PDPR: variants seen among roughly 807,000 people sequenced by gnomAD.
PDPR encodes the protein pyruvate dehydrogenase phosphatase regulatory subunit, mitochondrial.
A neutral mutation model predicts 102.2 loss-of-function variants in PDPR; 50 were observed. The ratio of observed to expected loss-of-function variants is 0.49; its 90% CI spans 0.39 to 0.62. The LOEUF (loss-of-function observed/expected upper bound fraction) is 0.62. Among genes scored for constraint, PDPR ranks in the 20% least tolerant of loss-of-function variants. PDPR has a pLI of 0.00. For missense variants in PDPR, 625 were observed against 1,098.2 expected, an observed-to-expected ratio of 0.57 and a Z score of 6.09; for synonymous variants, 259 against 406.0, an observed-to-expected ratio of 0.64 and a Z score of 4.35.
At chr16:70,130,952 C>T (rs1964480778) in intron 7 of PDPR, among the ~76,000 whole-genome samples, 1 of 152,286 alleles carries the variant, frequency 6.6e-6, no homozygotes, top group Non-Finnish European at 1.5e-5. Flanking sequence ...GCTATGATCC[C>T]GAAGTGAACT....
chr16:70,156,630 C>G lies in PDPR; in HGVS notation c.2391C>G (p.Gly797=), dbSNP rs1462986731. 6.2e-7 allele frequency: 1 copy of G among 1,614,100 alleles called. No homozygotes were observed. The highest frequency in any genetic ancestry group is 1.1e-5 in the South Asian group (1 of 91,084). Residue 797 remains glycine (G), a synonymous_variant, in exon 19 of 19, where the codon GGC becomes GGG. Transcript: ENST00000288050. ...EPIYRNGQYV[G]KTTSSAYSYS... is the part of the protein sequence containing the mutation. ...TTTACCGGAATGGGCAGTATGTTGG[C>G]AAGACCACCAGCAGTGCCTACAGCT...
rs1331172691 is a variant in PDPR, at chr16:70,159,054, A to G, written c.*2175A>G. The G allele has an allele frequency of 6.6e-6, 1 of 152,374 alleles. No individual in the cohort carries two copies. Among genetic ancestry groups the G allele is most frequent in the Non-Finnish European group, 1.5e-5 (1 of 68,098 alleles). 9.4% of individuals were successfully genotyped at this position (152,374 alleles called of 1,614,324 possible). ...TCGAAATAATAAAAGCTGTCTCCATAGTTTAAAATCGAATAGTGCCATCAT... is the reference window on the plus strand; with the variant it reads ...TCGAAATAATAAAAGCTGTCTCCATGGTTTAAAATCGAATAGTGCCATCAT... On this transcript the variant is annotated 3_prime_UTR_variant, in exon 19 of 19. Coordinates refer to ENST00000288050, the MANE Select transcript of PDPR (RefSeq NM_017990.5).
At chr16:70,148,261 C>G (rs1966398670) in intron 16 of PDPR, among the ~76,000 whole-genome samples, 1 of 152,256 alleles carries the variant, frequency 6.6e-6, no homozygotes, top group South Asian at 2.1e-4. Flanking sequence ...CAGTAGCAAG[C>G]AGAGATGTCA....
At chr16:70,143,373 G>A (rs1443373994) in intron 13 of PDPR, 137 bp from the exon 14 acceptor site, 5 of 1,038,730 alleles carry the variant, frequency 4.8e-6, no homozygotes, top group Non-Finnish European at 5.6e-6. Flanking sequence ...TTCTTGCAGT[G>A]GAGTAGGTCT....
chr16:70,148,224 G>A (rs1966396281), intron 16 of PDPR, among the ~76,000 whole-genome samples: 1 of 152,240 alleles, frequency 6.6e-6, no homozygotes, highest in South Asian at 2.1e-4. Context: ...TCTACCATCA[G>A]CTTGGCTAAA....
At chr16:70,134,087 G>A (rs1964844512) in intron 9 of PDPR, among the ~76,000 whole-genome samples, 1 of 152,246 alleles carries the variant, frequency 6.6e-6, no homozygotes, top group Non-Finnish European at 1.5e-5. Context: ...GTTTTAGGAG[G>A]AGACTTCTTT....
rs908731819 is a variant in PDPR at position 70,157,235 on chromosome 16, G to A, written c.*356G>A. 5.2e-5 allele frequency: 27 copies of A among 523,870 alleles called. No individual in the cohort carries two copies. Among genetic ancestry groups the A allele is most frequent in the East Asian group, 4.3e-4 (8 of 18,528 alleles). 32.5% of individuals were successfully genotyped at this position (523,870 alleles called of 1,614,324 possible). On this transcript the variant is annotated 3_prime_UTR_variant, in exon 19 of 19. Coordinates refer to ENST00000288050, the MANE Select transcript of PDPR (RefSeq NM_017990.5). ...TCTGCATCTCAAGGCAGGGCAAGCC[G>A]GGGTGGTGCAGGTCTCAGGGCACGA...
At chr16:70,133,421 C>CTTTTTTTTTTTTTTTTTTTTT (rs1162339028) in intron 9 of PDPR, among the ~76,000 whole-genome samples, 23 of 103,730 alleles carry the variant, frequency 2.2e-4, no homozygotes, top group Non-Finnish European at 3.1e-4. Context: ...TGCGTCTGGC[C>CTTTTTTTTTTTTTTTTTTTTT]TTTTTTTTTT....
chr16:70,141,102 G>A (rs1039732604), intron 11 of PDPR, among the ~76,000 whole-genome samples: 9 of 152,146 alleles, frequency 5.9e-5, no homozygotes, highest in Non-Finnish European at 1.0e-4. Flanking sequence ...TGCCCAGGCT[G>A]GAGTGCCGTG....
intron 2 of PDPR, among the ~76,000 whole-genome samples, chr16:70,119,909 T>G (rs1963043198): frequency 8.6e-6 from 1 of 116,902 alleles, no homozygotes; most frequent in East Asian, 2.1e-4. Context: ...TTGTTTTTTT[T>G]TTGTTTGTTT....
intron 6 of PDPR, among the ~76,000 whole-genome samples, chr16:70,129,742 G>C (rs1178120610): frequency 2.0e-5 from 3 of 152,280 alleles, no homozygotes; most frequent in Non-Finnish European, 2.9e-5. Context: ...ATCCACACCT[G>C]AAATCATGAG....
chr16:70,153,305 T>C, intron 17 of PDPR, 86 bp from the exon 18 acceptor site: 1 of 1,361,692 alleles, frequency 7.3e-7, no homozygotes, highest in African/African-American at 1.5e-5. Flanking sequence ...TCCATGTTAA[T>C]AGTGTGAGCC....
intron 10 of PDPR, among the ~76,000 whole-genome samples, chr16:70,137,280 C>T (rs1461124336): frequency 2.6e-5 from 4 of 152,208 alleles, no homozygotes; most frequent in Admixed American, 2.6e-4. Context: ...GGCGTGAACC[C>T]AGGAGGCAGA....
chr16:70,162,909 C>T (rs1006033464), downstream of PDPR, among the ~76,000 whole-genome samples: 18 of 152,388 alleles, frequency 1.2e-4, no homozygotes, highest in African/African-American at 2.9e-4. Flanking sequence ...TCTTTTTCTA[C>T]ACCAGCTTCC....
At position 70,161,283 on chromosome 16, in the gene PDPR, A is replaced by G. The variant is rs1967764951; in HGVS notation, c.*4404A>G. 1.8e-5 allele frequency: 1 copy of G among 55,990 alleles called. No individual in the cohort carries two copies. Among genetic ancestry groups the G allele is most frequent in the South Asian group, 4.4e-4 (1 of 2,250 alleles). The allele number at this position is 55,990 out of a possible 1,614,324, so 3.5% of individuals were successfully genotyped here. A position where few individuals can be genotyped will look rare whatever the true frequency, so the allele number is the denominator to read the frequency against. On this transcript the variant is annotated 3_prime_UTR_variant, in exon 19 of 19. Coordinates refer to ENST00000288050, the MANE Select transcript of PDPR (RefSeq NM_017990.5). ...GTAACAGAGTGAGACTCTTGTCTCA[A>G]AAAAAAAAAAAAAAAAATCTAAGAT... is the stretch of plus-strand genomic sequence containing the variant.
chr16:70,151,369 C>G (rs1020927426), intron 17 of PDPR, among the ~76,000 whole-genome samples: 2 of 152,278 alleles, frequency 1.3e-5, no homozygotes, highest in Admixed American at 6.5e-5. Flanking sequence ...GTGTCTGGCC[C>G]TGTTTTAACT....
chr16:70,123,259 CAG>C (rs1461788629), intron 3 of PDPR, among the ~76,000 whole-genome samples: 37 of 152,252 alleles, frequency 2.4e-4, no homozygotes, highest in African/African-American at 6.0e-4. Context: ...GTTTTTGAGA[CAG>C]AGTCTCACGC....
At chr16:70,121,473 C>A (rs1238624928) in intron 3 of PDPR, among the ~76,000 whole-genome samples, 1 of 151,574 alleles carries the variant, frequency 6.6e-6, no homozygotes, top group Non-Finnish European at 1.5e-5. Flanking sequence ...GGGCAGATCA[C>A]CTCAGGTCAG....
intron 3 of PDPR, among the ~76,000 whole-genome samples, chr16:70,121,222 C>T (rs1199417532): frequency 6.6e-6 from 1 of 151,972 alleles, no homozygotes; most frequent in African/African-American, 2.4e-5. Flanking sequence ...GAAATATGCT[C>T]TATAGGCTTA....
Sources: gnomAD v4.1 joint callset for allele counts (sites outside exome capture counted in the v4.1 genomes callset) on GRCh38, gnomAD v4.1.1 for gene constraint, MANE v1.5 for transcripts, NCBI Gene and HGNC (gene_info 2026-07-23, HGNC 2026-07-21) for gene names.